Variants in PREX2 observed in about 807,000 individuals in gnomAD.
The protein encoded by PREX2 is phosphatidylinositol 3,4,5-trisphosphate-dependent Rac exchanger 2 protein.
In PREX2, 107 loss-of-function variants were observed where a neutral mutation model predicts 203.2. The observed-to-expected ratio is 0.53, with a 90% CI of 0.45 to 0.62. PREX2 has a LOEUF of 0.62. Ranked by LOEUF, PREX2 falls within the 20% of genes least tolerant of loss-of-function variation. The probability of loss-of-function intolerance (pLI) is 0.00; values close to 1 mark genes in which losing one functional copy is unlikely to be tolerated. For missense variants in PREX2, 1,777 were observed against 1,955.9 expected, an observed-to-expected ratio of 0.91 and a Z score of 1.72; for synonymous variants, 672 against 663.6, an observed-to-expected ratio of 1.01 and a Z score of -0.19.
intron 4 of PREX2, 146 bp from the exon 5 acceptor site, chr8:68,027,075 GT>G: frequency 1.5e-6 from 1 of 654,670 alleles, no homozygotes; most frequent in Non-Finnish European, 2.7e-6. Context: ...CTCTCTGTGA[GT>G]GTTTGTGACT....
chr8:68,132,719 G>A (rs1811032009), intron 31 of PREX2, among the ~76,000 whole-genome samples: 1 of 152,086 alleles, frequency 6.6e-6, no homozygotes, highest in Non-Finnish European at 1.5e-5. Context: ...TATTGACAAT[G>A]CTTCTTTATT....
rs953865013 is a variant in PREX2 at position 68,022,107 on chromosome 8, C to G, written c.408C>G (p.Leu136=). The G allele has an allele frequency of 2.6e-6, 4 of 1,561,654 alleles. No homozygotes were observed. In the African/African-American group the frequency reaches 5.4e-5, roughly 21 times the overall value. ...HEKAQKLLLE[L]NKIRTIRTFL... Reference sequence around the variant, plus strand: ...AGGCACAAAAATTACTTCTTGAACTCAACAAAATAAGAACAATCCGGACAT... The same window carrying G: ...AGGCACAAAAATTACTTCTTGAACTGAACAAAATAAGAACAATCCGGACAT... The change falls in exon 4 of 40, where the codon CTC becomes CTG. Residue 136 remains leucine, a synonymous_variant. Transcript: ENST00000288368.
intron 1 of PREX2, among the ~76,000 whole-genome samples, chr8:67,965,220 C>G (rs1282666228): frequency 6.6e-6 from 1 of 152,122 alleles, no homozygotes; most frequent in East Asian, 1.9e-4. Context: ...AATAAGGAAA[C>G]ACATGAAACT....
At chr8:68,000,487 A>T (rs1200700944) in intron 1 of PREX2, among the ~76,000 whole-genome samples, 1 of 152,208 alleles carries the variant, frequency 6.6e-6, no homozygotes, top group African/African-American at 2.4e-5. Flanking sequence ...GCTCATGGAT[A>T]GGAAGAATCC....
intron 39 of PREX2, among the ~76,000 whole-genome samples, chr8:68,225,414 G>A (rs369202636): frequency 2.0e-5 from 3 of 152,074 alleles, no homozygotes; most frequent in South Asian, 2.1e-4. Context: ...ATGAGGGTAG[G>A]CAACCATCTA....
chr8:68,121,786 G>T (rs867990933), intron 30 of PREX2, among the ~76,000 whole-genome samples: 17 of 152,206 alleles, frequency 1.1e-4, no homozygotes, highest in African/African-American at 4.1e-4. Flanking sequence ...CACAATTGTG[G>T]GTGTGCTACT....
chr8:68,160,895 CA>C lies in PREX2; in HGVS notation c.4346+3460del, dbSNP rs1811640560. 2.6e-5 allele frequency among the ~76,000 whole-genome samples: 4 copies of C among 152,016 alleles called. No individual in the cohort carries two copies. The South Asian group carries it at 8.3e-4, about 32-fold the overall frequency. The stretch of plus-strand genomic sequence containing the variant: ...GGTAAACAAAAGATTTTTATTATCT[CA>C]TTAATATTGTGTAAAAATCCTATTC... On this transcript the variant is annotated intron_variant, in intron 35 of 39. Coordinates refer to ENST00000288368, the MANE Select transcript of PREX2 (RefSeq NM_024870.4).
At chr8:68,182,662 C>T (rs543288058) in intron 35 of PREX2, among the ~76,000 whole-genome samples, 1 of 151,938 alleles carries the variant, frequency 6.6e-6, no homozygotes, top group East Asian at 1.9e-4. Flanking sequence ...TTCTAGCTCT[C>T]ATGAAATAAA....
At chr8:68,054,260 C>CT (rs1404222341) in intron 9 of PREX2, among the ~76,000 whole-genome samples, 1 of 151,858 alleles carries the variant, frequency 6.6e-6, no homozygotes, top group East Asian at 1.9e-4. Flanking sequence ...ATATGACTGA[C>CT]TAAGTTTTGT....
chr8:68,203,322 G>A (rs1380609790), intron 37 of PREX2, among the ~76,000 whole-genome samples: 7 of 152,096 alleles, frequency 4.6e-5, no homozygotes, highest in Non-Finnish European at 1.0e-4. Flanking sequence ...GCTGCTACAG[G>A]AAGAAAATAT....
chr8:68,189,197 C>T (rs916234112), intron 35 of PREX2, among the ~76,000 whole-genome samples: 20 of 152,184 alleles, frequency 1.3e-4, no homozygotes, highest in African/African-American at 2.4e-4. Flanking sequence ...GTACAATTGA[C>T]GTGAAAGGAC....
intron 4 of PREX2, among the ~76,000 whole-genome samples, chr8:68,026,693 T>C (rs1259407490): frequency 6.6e-6 from 1 of 151,836 alleles, no homozygotes; most frequent in Non-Finnish European, 1.5e-5. Context: ...TGCAGTGTGA[T>C]AGCAAAAAAG....
intron 4 of PREX2, among the ~76,000 whole-genome samples, chr8:68,025,189 C>A (rs1251003535): frequency 2.0e-5 from 3 of 151,860 alleles, no homozygotes; most frequent in Admixed American, 2.0e-4. Context: ...TAACTTTGCT[C>A]AGTCTTTTTT....
intron 2 of PREX2, among the ~76,000 whole-genome samples, chr8:68,018,777 T>C (rs1807481156): frequency 6.6e-6 from 1 of 152,206 alleles, no homozygotes. Flanking sequence ...TGATTAGTCA[T>C]TTAAATTGTA....
At chr8:68,031,442 G>A (rs999676040) in intron 6 of PREX2, among the ~76,000 whole-genome samples, 1 of 152,088 alleles carries the variant, frequency 6.6e-6, no homozygotes, top group African/African-American at 2.4e-5. Flanking sequence ...GCCAAATACT[G>A]TATCACATAA....
At chr8:68,106,242 C>T (rs1312083748) in intron 23 of PREX2, 1 of 478,530 alleles carries the variant, frequency 2.1e-6, no homozygotes. Flanking sequence ...GCCATGGGTG[C>T]CTTGTGAGAC....
intron 38 of PREX2, 105 bp from the exon 39 acceptor site, chr8:68,224,454 T>A: frequency 1.2e-6 from 1 of 842,018 alleles, no homozygotes; most frequent in Non-Finnish European, 2.0e-6. Flanking sequence ...TCTCCCTTGA[T>A]GTTAAAGACA....
At chr8:68,018,669 A>C (rs1585709783) in intron 2 of PREX2, among the ~76,000 whole-genome samples, 1 of 152,188 alleles carries the variant, frequency 6.6e-6, no homozygotes, top group East Asian at 1.9e-4. Context: ...CTTAATTCAG[A>C]AACAGACATA....
rs1808787885 is a variant in PREX2, at chr8:68,059,720, A to C, written c.1239-959A>C. ...AAGGTGCTGGCCAGACGGGGCTCTT[A>C]GATTGAGGCTCTGGGGAAAAGTTCA... On this transcript the variant is annotated intron_variant, in intron 10 of 39. Transcript: ENST00000288368. 2.0e-5 allele frequency among the ~76,000 whole-genome samples: 3 copies of C among 152,150 alleles called. No individual in the cohort carries two copies. The South Asian group carries it at 6.2e-4, about 32-fold the overall frequency.
Sources: allele counts gnomAD v4.1 joint callset (sites outside exome capture counted in the v4.1 genomes callset), GRCh38; gene constraint gnomAD v4.1.1; transcripts MANE v1.5; gene names NCBI Gene and HGNC (gene_info 2026-07-23, HGNC 2026-07-21).